Variants in SPATA6L observed in about 807,000 individuals in gnomAD.
SPATA6L encodes the protein spermatogenesis associated 6-like protein.
In SPATA6L, 68 loss-of-function variants were observed where a neutral mutation model predicts 49.2. The ratio of observed to expected loss-of-function variants is 1.38; its 90% confidence interval spans 1.14 to 1.69. The LOEUF is 1.69. Ranked by LOEUF, SPATA6L falls within the 40% of genes most tolerant of loss-of-function variation. The pLI, the probability that SPATA6L is intolerant of heterozygous loss-of-function variation, is 0.00. For synonymous variants in SPATA6L, 198 were observed against 165.7 expected (o/e 1.19, Z -1.50); for missense variants, 668 against 464.3 (o/e 1.44, Z -4.03).
At chr9:4,590,268 T>G (rs577532487) in intron 13 of SPATA6L, among the ~76,000 whole-genome samples, 5 of 152,272 alleles carry the variant, frequency 3.3e-5, no homozygotes, top group Non-Finnish European at 7.3e-5. Flanking sequence ...TGAGTGTACC[T>G]AAGTGTATAA....
At chr9:4,601,231 T>TCTTTCTTC (rs1823173876) in intron 11 of SPATA6L, among the ~76,000 whole-genome samples, 1 of 152,014 alleles carries the variant, frequency 6.6e-6, no homozygotes, top group Non-Finnish European at 1.5e-5. Flanking sequence ...CTCACTCCCT[T>TCTTTCTTC]CTTTCTTCCT....
chr9:4,596,365 C>A (rs1822258878), downstream of SPATA6L: 2 of 152,178 alleles, frequency 1.3e-5, no homozygotes. Flanking sequence ...ATCCCTTAAG[C>A]AACAACAAAT....
chr9:4,624,575 A>G (rs1229914229), intron 6 of SPATA6L, among the ~76,000 whole-genome samples: 1 of 152,124 alleles, frequency 6.6e-6, no homozygotes, highest in Non-Finnish European at 1.5e-5. Context: ...TAAAAGTACA[A>G]AAATTAGACG....
In SPATA6L at chr9:4,600,492, C is replaced by CAGAGAGAGAGAGA. The variant is rs1564096515; in HGVS notation, c.*318_*319insTCTCTCTCTCTCT. On this transcript the variant is annotated 3_prime_UTR_variant, in exon 12 of 12. Transcript: ENST00000682582. ...GAGAGACAGAGAGAGCCAGAGAGAGCCAGAGAGAGAGAGAGGGGAAGTGTT... is the reference window on the plus strand; with the variant it reads ...GAGAGACAGAGAGAGCCAGAGAGAGCAGAGAGAGAGAGACAGAGAGAGAGAGAGGGGAAGTGTT... The CAGAGAGAGAGAGA allele has an allele frequency of 5.6e-5, 1 of 17,846 alleles. No individual in the cohort carries two copies. The highest frequency in any genetic ancestry group is 2.2e-4 in the Non-Finnish European group (1 of 4,612). The allele number at this position is 17,846 out of a possible 1,614,324, so 1.1% of individuals were successfully genotyped here. A position where few individuals can be genotyped will look rare whatever the true frequency, so the allele number is the denominator to read the frequency against.
rs1052293741 is a variant in SPATA6L, at chr9:4,662,274, C to A, written c.40-238G>T. On this transcript the variant is annotated intron_variant, in intron 1 of 11. Coordinates refer to ENST00000682582, the MANE Select transcript of SPATA6L (RefSeq NM_001353486.2). This position sits in a 1 kb window ranked among gnomAD's most constrained non-coding sequence, Gnocchi z 4.9. ...CAATCGCGCTCTCGCCGGCTCCTCT[C>A]CCCGCCCCTCCGGGATGGTAGTGCG... The A allele has an allele frequency of 2.1e-6, 3 of 1,434,674 alleles. No homozygotes were observed. The highest frequency in any genetic ancestry group is 2.7e-6 in the Non-Finnish European group (3 of 1,099,916). 88.9% of individuals were successfully genotyped at this position (1,434,674 alleles called of 1,614,324 possible).
chr9:4,655,969 A>G, intron 3 of SPATA6L, 72 bp downstream of exon 3: 1 of 1,149,394 alleles, frequency 8.7e-7, no homozygotes, highest in Non-Finnish European at 1.3e-6. Flanking sequence ...TTTAGAAAAG[A>G]GCAGAGTTTT....
At chr9:4,607,825 C>T (rs1825687419) in intron 9 of SPATA6L, among the ~76,000 whole-genome samples, 1 of 151,772 alleles carries the variant, frequency 6.6e-6, no homozygotes, top group Admixed American at 6.6e-5. Context: ...GGACTAAATG[C>T]TCCAATTAAA....
At chr9:4,651,693 A>T (rs1836900167) in intron 3 of SPATA6L, among the ~76,000 whole-genome samples, 1 of 50,792 alleles carries the variant, frequency 2.0e-5, no homozygotes, top group African/African-American at 6.9e-5. Context: ...AATAAAGGAT[A>T]AAAAAATCAC....
intron 3 of SPATA6L, among the ~76,000 whole-genome samples, chr9:4,647,281 C>G (rs886112870): frequency 1.3e-5 from 2 of 152,092 alleles, no homozygotes; most frequent in Non-Finnish European, 2.9e-5. Context: ...TATGACTATA[C>G]AAATTATACA....
Position 4,600,417 on chromosome 9 carries a change from T to C in SPATA6L, c.*394A>G, listed in dbSNP as rs983284751. On this transcript the variant is annotated 3_prime_UTR_variant, in exon 12 of 12. Coordinates refer to ENST00000682582, the MANE Select transcript of SPATA6L (RefSeq NM_001353486.2). The stretch of plus-strand genomic sequence containing the variant: ...CTTTCCTGGAGGATTTATCAGGTTA[T>C]TCCTGTGAATAGCAACTTCCTCTAG... 1 of 151,674 alleles carries C rather than the reference T, an allele frequency of 6.6e-6. No individual in the cohort carries two copies. The highest frequency in any genetic ancestry group is 2.4e-5 in the African/African-American group (1 of 41,282). 9.4% of individuals were successfully genotyped at this position (151,674 alleles called of 1,614,324 possible).
Position 4,662,342 on chromosome 9 carries a change from C to T in SPATA6L, c.40-306G>A. The T allele has an allele frequency of 1.4e-6, 2 of 1,469,156 alleles. No individual in the cohort carries two copies. Among genetic ancestry groups the T allele is most frequent in the South Asian group, 1.4e-5 (1 of 73,306 alleles). 91.0% of individuals were successfully genotyped at this position (1,469,156 alleles called of 1,614,324 possible). A position where few individuals can be genotyped will look rare whatever the true frequency, so the allele number is the denominator to read the frequency against. On this transcript the variant is annotated intron_variant, in intron 1 of 11. Transcript: ENST00000682582. This position sits in a 1 kb window ranked among gnomAD's most constrained non-coding sequence, Gnocchi z 4.9. ...AGGGCCGGGAAGCCTCTGTTTGGTC[C>T]GGCCAGGTCCCGGGATCCGGGCCGC...
chr9:4,624,727 CAA>C (rs58455568), intron 6 of SPATA6L, among the ~76,000 whole-genome samples: 108 of 72,490 alleles, frequency 1.5e-3, no homozygotes, highest in Middle Eastern at 7.6e-3. Context: ...GACTCTGTCT[CAA>C]AAAAAAAAAA....
At chr9:4,638,241 C>A (rs540765142) in intron 3 of SPATA6L, among the ~76,000 whole-genome samples, 1 of 152,016 alleles carries the variant, frequency 6.6e-6, no homozygotes, top group African/African-American at 2.4e-5. Context: ...GACGGAGTCT[C>A]GCTCTTATTG....
intron 11 of SPATA6L, among the ~76,000 whole-genome samples, chr9:4,603,936 A>G (rs148688477): frequency 1.3e-5 from 2 of 152,318 alleles, no homozygotes; most frequent in East Asian, 3.9e-4. Context: ...CGGAAAGTCT[A>G]TTAGATAAAG....
intron 9 of SPATA6L, among the ~76,000 whole-genome samples, chr9:4,616,505 A>G: frequency 6.6e-6 from 1 of 152,148 alleles, no homozygotes; most frequent in Non-Finnish European, 1.5e-5. Context: ...AAAGCATAAG[A>G]CAGGAGGGGA....
intron 8 of SPATA6L, 116 bp from the exon 9 acceptor site, chr9:4,618,226 C>A: frequency 1.3e-6 from 1 of 794,714 alleles, no homozygotes; most frequent in Non-Finnish European, 1.9e-6. Flanking sequence ...GAATATTTGC[C>A]CCAGGGATCT....
At chr9:4,649,214 C>T (rs1047969650) in intron 3 of SPATA6L, among the ~76,000 whole-genome samples, 14 of 152,174 alleles carry the variant, frequency 9.2e-5, no homozygotes, top group African/African-American at 2.9e-4. Context: ...CATAAAATGA[C>T]CTCTTTTCCT....
intron 3 of SPATA6L, among the ~76,000 whole-genome samples, chr9:4,639,746 G>A (rs993577122): frequency 1.3e-5 from 2 of 152,160 alleles, no homozygotes; most frequent in African/African-American, 4.8e-5. Flanking sequence ...CCCCCAAAAA[G>A]GAAACAAATG....
At chr9:4,645,439 C>G (rs1034575298) in intron 3 of SPATA6L, among the ~76,000 whole-genome samples, 3 of 152,072 alleles carry the variant, frequency 2.0e-5, no homozygotes, top group Non-Finnish European at 2.9e-5. Context: ...CTGGTGAGGG[C>G]CTTCTTGCTG....
Sources: gnomAD v4.1 joint callset for allele counts (sites outside exome capture counted in the v4.1 genomes callset) on GRCh38, gnomAD v4.1.1 for gene constraint, Gnocchi (gnomAD v3.1) non-coding constraint, MANE v1.5 for transcripts, NCBI Gene and HGNC (gene_info 2026-07-23, HGNC 2026-07-21) for gene names.